The following DTWD2 variants were observed in gnomAD, a reference collection of about 807,000 sequenced individuals.
DTWD2 encodes tRNA-uridine aminocarboxypropyltransferase 2.
DTWD2 carries 39 observed loss-of-function variants against 31.8 expected under a neutral mutation model. The ratio of observed to expected loss-of-function variants is 1.22; its 90% CI spans 0.95 to 1.60. The LOEUF (loss-of-function observed/expected upper bound fraction) is 1.60, where lower values mean the gene tolerates loss of function less well. Among genes scored for constraint, DTWD2 ranks in the 40% most tolerant of loss-of-function variants. The pLI, the probability that DTWD2 is intolerant of heterozygous loss-of-function variation, is 0.00. For missense variants in DTWD2, 515 were observed against 381.5 expected (o/e 1.35, Z -2.92); for synonymous variants, 180 against 142.8 (o/e 1.26, Z -1.86).
chr5:118,891,926 A>T (rs778865854), intron 4 of DTWD2, among the ~76,000 whole-genome samples: 1 of 152,222 alleles, frequency 6.6e-6, no homozygotes, highest in Non-Finnish European at 1.5e-5. Flanking sequence ...AAAATAATCT[A>T]GCTCAATGCT....
intron 4 of DTWD2, among the ~76,000 whole-genome samples, chr5:118,884,448 T>G (rs765224463): frequency 5.3e-5 from 8 of 152,156 alleles, no homozygotes; most frequent in Admixed American, 2.6e-4. Flanking sequence ...TCACATAAAT[T>G]TGCTGTAACT....
intron 1 of DTWD2, among the ~76,000 whole-genome samples, chr5:118,970,038 C>T (rs1486286740): frequency 6.6e-6 from 1 of 152,182 alleles, no homozygotes; most frequent in Non-Finnish European, 1.5e-5. Context: ...ACAATGCAAT[C>T]ACAAGTATCA....
At chr5:118,978,867 A>G (rs1755225784) in intron 1 of DTWD2, among the ~76,000 whole-genome samples, 1 of 152,038 alleles carries the variant, frequency 6.6e-6, no homozygotes, top group Non-Finnish European at 1.5e-5. Flanking sequence ...TTAGCTGGGC[A>G]TGGTGGTGCA....
At chr5:118,972,825 T>G (rs1322169249) in intron 1 of DTWD2, among the ~76,000 whole-genome samples, 1 of 152,158 alleles carries the variant, frequency 6.6e-6, no homozygotes, top group East Asian at 1.9e-4. Context: ...TCAACATACG[T>G]GAATCCATAA....
rs1352426704 is a variant in DTWD2 at position 118,840,120 on chromosome 5, T to C, written c.*797A>G. On this transcript the variant is annotated 3_prime_UTR_variant, in exon 6 of 6. Coordinates refer to ENST00000510708, the MANE Select transcript of DTWD2 (RefSeq NM_173666.4). ...ATTTTTTCTCTCAAATGGAAAGTTT[T>C]TGCTCGTTAAAAAGGTTATATTAAA... The C allele has an allele frequency of 6.6e-6, 1 of 152,214 alleles. No homozygotes were observed. The highest frequency in any genetic ancestry group is 2.4e-5 in the African/African-American group (1 of 41,452). The allele number at this position is 152,214 out of a possible 1,614,324, so 9.4% of individuals were successfully genotyped here. A position where few individuals can be genotyped will look rare whatever the true frequency, so the allele number is the denominator to read the frequency against.
chr5:118,959,222 T>C (rs1481018782), intron 1 of DTWD2, among the ~76,000 whole-genome samples: 1 of 152,162 alleles, frequency 6.6e-6, no homozygotes, highest in Non-Finnish European at 1.5e-5. Flanking sequence ...CAAAAGCTCC[T>C]AGATCTAATA....
chr5:118,900,080 T>C (rs953537460), intron 4 of DTWD2, among the ~76,000 whole-genome samples: 1 of 152,202 alleles, frequency 6.6e-6, no homozygotes, highest in Non-Finnish European at 1.5e-5. Flanking sequence ...GTGCTGGGAT[T>C]ACAGGCACAA....
intron 4 of DTWD2, among the ~76,000 whole-genome samples, chr5:118,921,985 G>C (rs1401657898): frequency 6.6e-6 from 1 of 152,198 alleles, no homozygotes; most frequent in African/African-American, 2.4e-5. Context: ...TATCAAGCGA[G>C]AAATTAAGCT....
At chr5:118,925,438 G>A (rs1753789234) in intron 4 of DTWD2, among the ~76,000 whole-genome samples, 1 of 152,132 alleles carries the variant, frequency 6.6e-6, no homozygotes. Flanking sequence ...AAATAGCGTG[G>A]CTAATGCTCT....
At chr5:118,850,477 CAAAAAAAAAAAAAAAAAA>C (rs34808087) in intron 4 of DTWD2, among the ~76,000 whole-genome samples, 7 of 30,466 alleles carry the variant, frequency 2.3e-4, no homozygotes, top group Admixed American at 1.2e-3. Context: ...GACCCCACCA[CAAAAAAAAAAAAAAAAAA>C]AAAAAAAAAA....
In DTWD2 at chr5:118,988,319, G is replaced by C. The variant is rs775652167; in HGVS notation, c.193C>G (p.Arg65Gly). The C allele has an allele frequency of 1.3e-6, 2 of 1,531,982 alleles. No individual in the cohort carries two copies. The highest frequency in any genetic ancestry group is 1.7e-6 in the Non-Finnish European group (2 of 1,144,026). The allele number at this position is 1,531,982 out of a possible 1,614,324, so 94.9% of individuals were successfully genotyped here. A position where few individuals can be genotyped will look rare whatever the true frequency, so the allele number is the denominator to read the frequency against. ...LWELPVEPAE[R>G]RPECTRCSRP... The stretch of plus-strand genomic sequence containing the variant: ...CTGCAGCGGGTGCACTCAGGCCTCC[G>C]CTCGGCCGGCTCCACCGGCAGCTCC... Residue 65 changes from arginine to glycine, a missense_variant, in exon 1 of 6, where the codon CGG (arginine) becomes GGG (glycine). Coordinates refer to ENST00000510708, the MANE Select transcript of DTWD2 (RefSeq NM_173666.4).
At chr5:118,983,708 T>C (rs1755358876) in intron 1 of DTWD2, among the ~76,000 whole-genome samples, 2 of 152,194 alleles carry the variant, frequency 1.3e-5, no homozygotes, top group Non-Finnish European at 2.9e-5. Flanking sequence ...CTGGTGATAA[T>C]ACCTACTGTG....
At chr5:118,900,924 CAAAA>C (rs538787473) in intron 4 of DTWD2, among the ~76,000 whole-genome samples, 309 of 73,036 alleles carry the variant, frequency 4.2e-3, no homozygotes, top group Non-Finnish European at 6.7e-3. Flanking sequence ...GACTGCGTCT[CAAAA>C]AAAAAAAAAA....
chr5:118,859,504 T>C (rs749170271), intron 4 of DTWD2, among the ~76,000 whole-genome samples: 51 of 152,322 alleles, frequency 3.3e-4, no homozygotes, highest in Non-Finnish European at 1.3e-4. Flanking sequence ...ACTCAAATTA[T>C]CCCATCTTAT....
Position 118,934,841 on chromosome 5 carries a change from T to C in DTWD2, c.404+4355A>G, listed in dbSNP as rs1435960535. 5.9e-5 allele frequency among the ~76,000 whole-genome samples: 9 copies of C among 152,148 alleles called. No individual in the cohort carries two copies. In the East Asian group the frequency reaches 1.5e-3, roughly 26 times the overall value. ...CCATATAAACACTAGCACCCACACA[T>C]AGTAGACTTTAAGACAAAGAGTATT... On this transcript the variant is annotated intron_variant, in intron 3 of 5. Coordinates refer to ENST00000510708, the MANE Select transcript of DTWD2 (RefSeq NM_173666.4).
chr5:118,968,836 G>A (rs542807784), intron 1 of DTWD2, among the ~76,000 whole-genome samples: 1 of 152,158 alleles, frequency 6.6e-6, no homozygotes. Flanking sequence ...CGTTCTGCAG[G>A]CCCCACTCCC....
chr5:118,871,265 C>T (rs540355731), intron 4 of DTWD2, among the ~76,000 whole-genome samples: 3 of 152,266 alleles, frequency 2.0e-5, no homozygotes, highest in Non-Finnish European at 4.4e-5. Flanking sequence ...AAGTCTTGAA[C>T]CCCTCAAAGT....
intron 3 of DTWD2, among the ~76,000 whole-genome samples, chr5:118,931,971 G>A (rs1167075100): frequency 6.6e-6 from 1 of 152,154 alleles, no homozygotes; most frequent in Admixed American, 6.6e-5. Flanking sequence ...ATACTTCTAA[G>A]TAAACCACGG....
intron 4 of DTWD2, among the ~76,000 whole-genome samples, chr5:118,897,637 A>G (rs904959652): frequency 2.6e-5 from 4 of 152,190 alleles, no homozygotes; most frequent in Non-Finnish European, 4.4e-5. Context: ...GCAGCAATAG[A>G]TAACTGCAAC....
Sources: gnomAD v4.1 joint callset for allele counts (sites outside exome capture counted in the v4.1 genomes callset) on GRCh38, gnomAD v4.1.1 for gene constraint, MANE v1.5 for transcripts, NCBI Gene and HGNC (gene_info 2026-07-23, HGNC 2026-07-21) for gene names.